SP140: variants seen among roughly 807,000 people sequenced by gnomAD.
SP140 encodes nuclear body protein SP140.
A neutral mutation model predicts 125.0 loss-of-function variants in SP140; 81 were observed. The observed-to-expected ratio is 0.65, with a 90% CI of 0.54 to 0.78. The LOEUF is 0.78. Among genes scored for constraint, SP140 ranks in the 30% least tolerant of loss-of-function variants. The pLI is 0.00. For synonymous variants in SP140, 312 were observed against 354.0 expected (o/e 0.88, Z 1.33); for missense variants, 858 against 1,037.0 (o/e 0.83, Z 2.37).
intron 4 of SP140, 46 bp downstream of exon 4, chr2:230,241,533 C>A: frequency 8.7e-7 from 1 of 1,155,782 alleles, no homozygotes; most frequent in Non-Finnish European, 1.3e-6. Flanking sequence ...AGTTTTGCTT[C>A]CTTGCCTTCA....
intron 15 of SP140, among the ~76,000 whole-genome samples, chr2:230,281,395 T>C (rs1219711349): frequency 6.6e-6 from 1 of 152,222 alleles, no homozygotes; most frequent in Non-Finnish European, 1.5e-5. Flanking sequence ...TAGAGTTCAA[T>C]GTATGTTTAG....
chr2:230,273,917 G>A (rs2054320509), intron 15 of SP140, among the ~76,000 whole-genome samples: 1 of 152,116 alleles, frequency 6.6e-6, no homozygotes, highest in Non-Finnish European at 1.5e-5. Context: ...TGAACACCTA[G>A]AGGAGAACAA....
chr2:230,240,115 GA>G (rs1422157870), intron 3 of SP140, among the ~76,000 whole-genome samples: 1 of 151,986 alleles, frequency 6.6e-6, no homozygotes, highest in Non-Finnish European at 1.5e-5. Flanking sequence ...ATTGAAAAAA[GA>G]AAAAATAAAC....
upstream of SP140, among the ~76,000 whole-genome samples, chr2:230,202,080 T>C (rs2043238049): frequency 6.6e-6 from 1 of 152,248 alleles, no homozygotes; most frequent in Admixed American, 6.5e-5. Context: ...TCAAAGAGAT[T>C]TGCACAAACA....
chr2:230,287,294 G>A (rs923317103), intron 17 of SP140, among the ~76,000 whole-genome samples: 8 of 152,228 alleles, frequency 5.3e-5, no homozygotes, highest in East Asian at 1.9e-4. Context: ...CTTTCAGCAC[G>A]AGGGTACAAA....
chr2:230,259,771 C>CATATAT (rs745848625), intron 12 of SP140, among the ~76,000 whole-genome samples: 2,025 of 85,832 alleles, frequency 0.024, 141 homozygotes, highest in African/African-American at 0.068. Context: ...AGTATTCCAT[C>CATATAT]ATATATATAT....
intron 1 of SP140, among the ~76,000 whole-genome samples, chr2:230,208,763 C>T (rs1319262892): frequency 6.6e-6 from 1 of 152,216 alleles, no homozygotes; most frequent in Non-Finnish European, 1.5e-5. Flanking sequence ...GTGGAACTCT[C>T]TCCAGCACTG....
intron 1 of SP140, among the ~76,000 whole-genome samples, chr2:230,232,732 T>C (rs2047434775): frequency 1.3e-5 from 2 of 152,358 alleles, no homozygotes; most frequent in African/African-American, 4.8e-5. Flanking sequence ...TTTAACACAG[T>C]GTTATTAAAA....
chr2:230,312,104 C>T (rs1168418727), intron 26 of SP140, among the ~76,000 whole-genome samples: 3 of 152,198 alleles, frequency 2.0e-5, no homozygotes, highest in African/African-American at 7.2e-5. Flanking sequence ...GCTTTTCTAA[C>T]CCACTGAAAT....
intron 20 of SP140, among the ~76,000 whole-genome samples, chr2:230,293,785 C>T (rs1296666482): frequency 6.6e-6 from 1 of 152,194 alleles, no homozygotes; most frequent in Admixed American, 6.5e-5. Flanking sequence ...GGCTCCTGAG[C>T]CCTCTACTAA....
chr2:230,288,520 T>G (rs1252456005), intron 18 of SP140, among the ~76,000 whole-genome samples: 1 of 144,146 alleles, frequency 6.9e-6, no homozygotes, highest in African/African-American at 2.6e-5. Context: ...TTTCTTTCTT[T>G]CTTTTTTTAT....
intron 15 of SP140, among the ~76,000 whole-genome samples, chr2:230,275,970 G>A (rs1193035793): frequency 6.6e-6 from 1 of 152,138 alleles, no homozygotes; most frequent in East Asian, 1.9e-4. Flanking sequence ...TGAAAGATGT[G>A]AGAAGCTGCA....
intron 3 of SP140, among the ~76,000 whole-genome samples, chr2:230,218,581 A>G (rs1467662407): frequency 6.6e-6 from 1 of 152,192 alleles, no homozygotes; most frequent in Non-Finnish European, 1.5e-5. Context: ...AGAACAATTC[A>G]TTATACAGCA....
At chr2:230,246,432 C>T (rs2049463230) in intron 7 of SP140, among the ~76,000 whole-genome samples, 1 of 151,604 alleles carries the variant, frequency 6.6e-6, no homozygotes, top group Admixed American at 6.6e-5. Flanking sequence ...GTAATATTAC[C>T]ACATTGGGTT....
At chr2:230,313,444 C>T (rs368100161), downstream of SP140, among the ~76,000 whole-genome samples, 1 of 152,308 alleles carries the variant, frequency 6.6e-6, no homozygotes, top group East Asian at 1.9e-4. Context: ...GGAAGTGACA[C>T]CCCGTGGCCT....
At chr2:230,241,316 G>T (rs2048696747) in intron 3 of SP140, 88 bp from the exon 4 acceptor site, 2 of 821,286 alleles carry the variant, frequency 2.4e-6, no homozygotes, top group Non-Finnish European at 2.1e-6. Flanking sequence ...AGATCCTGGG[G>T]CTTGGACATC....
chr2:230,269,401 C>A, intron 12 of SP140, 131 bp from the exon 13 acceptor site: 1 of 657,040 alleles, frequency 1.5e-6, no homozygotes. Context: ...ATTATTGGAG[C>A]AGGTATATTT....
At chr2:230,310,109 G>A in intron 23 of SP140, 70 bp downstream of exon 23, 1 of 1,458,844 alleles carries the variant, frequency 6.9e-7, no homozygotes. Context: ...GCACTCTCCA[G>A]CAGAGTGCCG....
intron 21 of SP140, among the ~76,000 whole-genome samples, chr2:230,295,190 T>C (rs1457485972): frequency 6.6e-6 from 1 of 152,210 alleles, no homozygotes; most frequent in African/African-American, 2.4e-5. Context: ...AAGAGAAAAA[T>C]GTCATCCTTA....
Sources: gnomAD v4.1 joint callset for allele counts (sites outside exome capture counted in the v4.1 genomes callset) on GRCh38, gnomAD v4.1.1 for gene constraint, MANE v1.5 for transcripts, NCBI Gene and HGNC (gene_info 2026-07-23, HGNC 2026-07-21) for gene names.